The following SLC16A3 variants were observed in gnomAD, a reference collection of about 807,000 sequenced individuals.
SLC16A3 encodes solute carrier family 16 member 3, also known as monocarboxylate transporter 4.
A neutral mutation model predicts 25.0 loss-of-function variants in SLC16A3; 22 were observed. That is an observed-to-expected ratio of 0.88 (90% CI 0.63 to 1.26). The LOEUF is 1.26. Ranked by LOEUF, SLC16A3 falls within the 50% of genes most tolerant of loss-of-function variation. The pLI, the probability that SLC16A3 is intolerant of heterozygous loss-of-function variation, is 0.00. For synonymous variants in SLC16A3, 390 were observed against 309.2 expected, an observed-to-expected ratio of 1.26 and a Z score of -2.74; for missense variants, 731 against 666.6, an observed-to-expected ratio of 1.10 and a Z score of -1.06.
intron 1 of SLC16A3, among the ~76,000 whole-genome samples, chr17:82,220,764 C>T (rs1009888628): frequency 6.6e-6 from 1 of 152,106 alleles, no homozygotes; most frequent in African/African-American, 2.4e-5. Context: ...ACAAACAAAA[C>T]ATAAGAGCTA....
chr17:82,233,070 G>A (rs1206346297), intron 1 of SLC16A3, among the ~76,000 whole-genome samples: 6 of 152,190 alleles, frequency 3.9e-5, no homozygotes, highest in Admixed American at 2.6e-4. Flanking sequence ...GGCCCATCAC[G>A]GTGCCGGGGT....
At position 82,220,190 on chromosome 17, in the gene SLC16A3, G is replaced by A. The variant is rs1000277907; in HGVS notation, c.-27+2006G>A. Among the ~76,000 whole-genome samples, 21 of 152,234 alleles carry A rather than the reference G, an allele frequency of 1.4e-4. No homozygotes were observed. The East Asian group carries it at 2.3e-3, about 17-fold the overall frequency. ...CTGGACACCCTAGGCTGGGCTCCAC[G>A]GCCACCCCAAAACCTTCTTGCCAAG... On this transcript the variant is annotated intron_variant, in intron 1 of 4. Transcript: ENST00000580098.
chr17:82,227,584 C>T (rs1235012966), upstream of SLC16A3, among the ~76,000 whole-genome samples: 3 of 140,232 alleles, frequency 2.1e-5, no homozygotes, highest in East Asian at 6.0e-4. Flanking sequence ...GCACCACCTG[C>T]CCTGGGCGGG....
upstream of SLC16A3, among the ~76,000 whole-genome samples, chr17:82,225,347 G>A (rs1432511680): frequency 6.6e-6 from 1 of 152,222 alleles, no homozygotes. Flanking sequence ...TTGGGCCATG[G>A]TCCTGGTCCT....
intron 1 of SLC16A3, among the ~76,000 whole-genome samples, chr17:82,220,721 C>T (rs2050383847): frequency 1.3e-5 from 2 of 152,192 alleles, no homozygotes. Context: ...CCCTATCTCA[C>T]ACCGTTTATA....
chr17:82,231,934 T>G (rs2050502640), intron 1 of SLC16A3: 1 of 152,262 alleles, frequency 6.6e-6, no homozygotes, highest in African/African-American at 2.4e-5. Context: ...CCCTGCAAGC[T>G]CGGCCCCGAC....
At chr17:82,235,011 G>A (rs1362325250) in intron 1 of SLC16A3, 1 of 152,334 alleles carries the variant, frequency 6.6e-6, no homozygotes, top group Non-Finnish European at 1.5e-5. Context: ...GTGAGGAGAG[G>A]ACAAGGTGAC....
At chr17:82,235,723 A>C in intron 1 of SLC16A3, 2 of 522,500 alleles carry the variant, frequency 3.8e-6, no homozygotes, top group Admixed American at 3.2e-5. Flanking sequence ...GTCCTGGCCG[A>C]GCCCAAAAAA....
At chr17:82,238,594 A>T in intron 4 of SLC16A3, 108 bp from the exon 5 acceptor site, 1 of 1,163,918 alleles carries the variant, frequency 8.6e-7, no homozygotes, top group South Asian at 1.8e-5. Flanking sequence ...TCAGAGGCAG[A>T]CAGGGTGACC....
intron 1 of SLC16A3, chr17:82,234,232 C>G (rs1183677099): frequency 6.6e-6 from 1 of 152,348 alleles, no homozygotes; most frequent in Non-Finnish European, 1.5e-5. Flanking sequence ...GCGGGACCTA[C>G]CCTGCTGCTC....
chr17:82,218,953 T>C (rs2050372421), intron 1 of SLC16A3, among the ~76,000 whole-genome samples: 2 of 150,196 alleles, frequency 1.3e-5, no homozygotes, highest in African/African-American at 4.9e-5. Context: ...GACATGGGGG[T>C]TGAGGATAAG....
chr17:82,218,895 GC>G (rs1297552647), intron 1 of SLC16A3, among the ~76,000 whole-genome samples: 1 of 152,166 alleles, frequency 6.6e-6, no homozygotes, highest in African/African-American at 2.4e-5. Context: ...GGCTCACTGA[GC>G]CGCCGGGGGC....
chr17:82,225,652 G>A (rs1385834401), upstream of SLC16A3, among the ~76,000 whole-genome samples: 1 of 152,184 alleles, frequency 6.6e-6, no homozygotes, highest in Non-Finnish European at 1.5e-5. Context: ...CCCCTGACCC[G>A]GCCAGTCCTG....
In SLC16A3 at chr17:82,236,831, G is replaced by A. The variant is rs370695704; in HGVS notation, c.326G>A (p.Arg109Gln). ...SLGMVAASFC[R>Q]SIIQVYLTTG... The stretch of plus-strand genomic sequence containing the variant: ...GGCATGGTGGCTGCGTCCTTTTGCC[G>A]GAGCATCATCCAGGTCTACCTCACC... The change falls in exon 3 of 5, where the codon CGG becomes CAG. Residue 109 changes from arginine to glutamine, a missense_variant. Physicochemically the swap from Arg to Gln is conservative, Grantham distance 43. Coordinates refer to ENST00000582743, the MANE Select transcript of SLC16A3 (RefSeq NM_004207.4). 5.5e-5 allele frequency: 89 copies of A among 1,607,636 alleles called. No individual in the cohort carries two copies. Among genetic ancestry groups the A allele is most frequent in the Non-Finnish European group, 7.0e-5 (82 of 1,179,854 alleles).
chr17:82,235,918 C>A (rs960845145), intron 1 of SLC16A3, 65 bp from the exon 2 acceptor site: 3 of 1,149,694 alleles, frequency 2.6e-6, no homozygotes, highest in African/African-American at 3.1e-5. Context: ...TCGTGTCCCT[C>A]CCCTGCCAGG....
At position 82,218,186 on chromosome 17, in the gene SLC16A3, T is replaced by G. The variant is rs1180464916; in HGVS notation, c.-27+2T>G. 6.6e-6 allele frequency among the ~76,000 whole-genome samples: 1 copy of G among 151,756 alleles called. No homozygotes were observed. The highest frequency in any genetic ancestry group is 1.5e-5 in the Non-Finnish European group (1 of 67,928). Reference sequence around the variant, plus strand: ...AATGACAAGCTCTGGGTAACCCTGGTGAGTGGACGGCCAAGGCGAGCCCAG... The same window carrying G: ...AATGACAAGCTCTGGGTAACCCTGGGGAGTGGACGGCCAAGGCGAGCCCAG... On this transcript the variant is annotated splice_donor_variant, in intron 1 of 4. Transcript: ENST00000580098. LOFTEE classifies it low-confidence loss of function (5UTR_SPLICE).
upstream of SLC16A3, among the ~76,000 whole-genome samples, chr17:82,224,202 G>A (rs1213308072): frequency 1.8e-4 from 12 of 67,340 alleles, no homozygotes; most frequent in Non-Finnish European, 3.3e-4. Context: ...ACAGACACCT[G>A]TGCAGACACA....
At position 82,239,955 on chromosome 17, in the gene SLC16A3, G is replaced by T. The variant is rs1005036619; in HGVS notation, c.*979G>T. 1 of 1,226,058 alleles carries T rather than the reference G, an allele frequency of 8.2e-7. No homozygotes were observed. Among genetic ancestry groups the T allele is most frequent in the Non-Finnish European group, 1.0e-6 (1 of 980,934 alleles). The allele number at this position is 1,226,058 out of a possible 1,614,324, so 75.9% of individuals were successfully genotyped here. A position where few individuals can be genotyped will look rare whatever the true frequency, so the allele number is the denominator to read the frequency against. ...CAGTGGCCTGCGTGGCTGGGAGCCC[G>T]GTCAGAGGCCGCCGGGGCCCTCAGT... On this transcript the variant is annotated 3_prime_UTR_variant, in exon 5 of 5. Coordinates refer to ENST00000582743, the MANE Select transcript of SLC16A3 (RefSeq NM_004207.4).
intron 4 of SLC16A3, 135 bp from the exon 5 acceptor site, chr17:82,238,567 C>A (rs1423313997): frequency 2.3e-6 from 2 of 872,360 alleles, no homozygotes; most frequent in Non-Finnish European, 3.3e-6. Flanking sequence ...GAGAGAACAC[C>A]TCCCAGCCCC....
Sources: allele counts gnomAD v4.1 joint callset (sites outside exome capture counted in the v4.1 genomes callset), GRCh38; gene constraint gnomAD v4.1.1; transcripts MANE v1.5; gene names NCBI Gene and HGNC (gene_info 2026-07-23, HGNC 2026-07-21).